Variants in KIAA1217 observed in about 807,000 individuals in gnomAD.
KIAA1217 encodes the protein sickle tail protein homolog.
KIAA1217 carries 88 observed loss-of-function variants against 163.9 expected under a neutral mutation model. The observed-to-expected ratio is 0.54, with a 90% CI of 0.45 to 0.64. The LOEUF (loss-of-function observed/expected upper bound fraction) is 0.64. Ranked by LOEUF, KIAA1217 falls within the 30% of genes least tolerant of loss-of-function variation. The pLI is 0.00. For synonymous variants in KIAA1217, 903 were observed against 923.1 expected (o/e 0.98, Z 0.39); for missense variants, 2,372 against 2,475.0 (o/e 0.96, Z 0.88).
intron 2 of KIAA1217, among the ~76,000 whole-genome samples, chr10:24,368,457 T>G (rs1282944691): frequency 6.6e-6 from 1 of 152,122 alleles, no homozygotes; most frequent in Non-Finnish European, 1.5e-5. Flanking sequence ...TTCCTTTTCT[T>G]TCTTTTTTTT....
At chr10:24,377,415 A>T (rs536066407) in intron 2 of KIAA1217, among the ~76,000 whole-genome samples, 89 of 152,310 alleles carry the variant, frequency 5.8e-4, no homozygotes, top group African/African-American at 2.1e-3. Context: ...CTCTCCACTC[A>T]GCAGCTTAGG....
At chr10:24,313,428 G>C (rs747092458) in intron 2 of KIAA1217, among the ~76,000 whole-genome samples, 1 of 152,206 alleles carries the variant, frequency 6.6e-6, no homozygotes, top group Non-Finnish European at 1.5e-5. Flanking sequence ...GTGTTCAGAA[G>C]AGCCCATTAG....
intron 1 of KIAA1217, among the ~76,000 whole-genome samples, chr10:23,723,523 A>T (rs1564367197): frequency 6.6e-6 from 1 of 152,210 alleles, no homozygotes; most frequent in Non-Finnish European, 1.5e-5. Context: ...TGCATCTTGG[A>T]TCACCACTTT....
intron 1 of KIAA1217, among the ~76,000 whole-genome samples, chr10:23,745,987 ATG>A (rs769546756): frequency 6.6e-6 from 1 of 152,156 alleles, no homozygotes; most frequent in Non-Finnish European, 1.5e-5. Flanking sequence ...ACTACACTGA[ATG>A]TCATTCACCA....
intron 1 of KIAA1217, among the ~76,000 whole-genome samples, chr10:23,816,811 T>A (rs1468782364): frequency 1.3e-5 from 2 of 152,124 alleles, no homozygotes; most frequent in African/African-American, 4.8e-5. Context: ...TGGAGAGGCA[T>A]AGTCAGAAGG....
chr10:24,347,372 A>T (rs1273046974), intron 2 of KIAA1217, among the ~76,000 whole-genome samples: 3 of 152,238 alleles, frequency 2.0e-5, no homozygotes, highest in Non-Finnish European at 4.4e-5. Context: ...TGGGACTGGA[A>T]GGAGCCATTG....
rs1331723442 is a variant in KIAA1217 at position 23,817,397 on chromosome 10, G to C, written c.-321+122163G>C. ...TTTAAAGTCTTCACTTGCATTGTTT[G>C]ACATTGTTATTTGGCAATTCTATCA... On this transcript the variant is annotated intron_variant, in intron 1 of 18. Coordinates refer to the KIAA1217 transcript ENST00000376462. 1.3e-5 allele frequency among the ~76,000 whole-genome samples: 2 copies of C among 152,160 alleles called. 1 individual carries two copies. The highest frequency in any genetic ancestry group is 3.9e-4 in the East Asian group (2 of 5,194).
intron 2 of KIAA1217, among the ~76,000 whole-genome samples, chr10:24,119,024 A>G (rs557870656): frequency 6.6e-6 from 1 of 152,244 alleles, no homozygotes; most frequent in Non-Finnish European, 1.5e-5. Flanking sequence ...CAGTTGTACT[A>G]TAAATATGAG....
At chr10:24,452,297 C>T (rs530894649) in intron 5 of KIAA1217, among the ~76,000 whole-genome samples, 19 of 152,088 alleles carry the variant, frequency 1.2e-4, no homozygotes, top group South Asian at 4.2e-4. Flanking sequence ...CCTGCACCAC[C>T]GGTGCTCCCT....
intron 9 of KIAA1217, among the ~76,000 whole-genome samples, chr10:24,511,048 A>G (rs1268935488): frequency 6.6e-6 from 1 of 151,076 alleles, no homozygotes; most frequent in East Asian, 2.0e-4. Flanking sequence ...GGAGATGGGA[A>G]TAGCAGGTGC....
chr10:23,729,336 A>T (rs907113000), intron 1 of KIAA1217, among the ~76,000 whole-genome samples: 4 of 152,176 alleles, frequency 2.6e-5, no homozygotes, highest in African/African-American at 9.6e-5. Flanking sequence ...GCTGGATCAT[A>T]TAGTTAGAAT....
At chr10:24,162,068 A>G (rs1420909919) in intron 2 of KIAA1217, among the ~76,000 whole-genome samples, 1 of 152,166 alleles carries the variant, frequency 6.6e-6, no homozygotes, top group African/African-American at 2.4e-5. Flanking sequence ...GCACAAATAA[A>G]TCCCACTCCC....
chr10:23,811,579 C>A (rs1318724384), intron 1 of KIAA1217, among the ~76,000 whole-genome samples: 1 of 151,768 alleles, frequency 6.6e-6, no homozygotes, highest in Admixed American at 6.6e-5. Flanking sequence ...GAAAGCTAAT[C>A]CTTACTGCAA....
At chr10:24,444,827 C>A (rs567844814) in intron 5 of KIAA1217, among the ~76,000 whole-genome samples, 3 of 152,114 alleles carry the variant, frequency 2.0e-5, no homozygotes, top group African/African-American at 7.2e-5. Context: ...AAATTTGTGG[C>A]CCACCCACAG....
intron 1 of KIAA1217, among the ~76,000 whole-genome samples, chr10:23,823,946 G>A (rs1282291046): frequency 1.3e-5 from 2 of 151,870 alleles, no homozygotes; most frequent in Non-Finnish European, 1.5e-5. Context: ...AGGAAGGGAA[G>A]GAACTGAAAA....
intron 2 of KIAA1217, among the ~76,000 whole-genome samples, chr10:24,137,483 T>G (rs965466338): frequency 6.6e-6 from 1 of 152,228 alleles, no homozygotes; most frequent in Admixed American, 6.5e-5. Context: ...AGTTCTCACA[T>G]TTGAGCAAAA....
chr10:24,473,107 T>G, intron 5 of KIAA1217, 121 bp from the exon 6 acceptor site: 2 of 647,864 alleles, frequency 3.1e-6, no homozygotes, highest in Non-Finnish European at 5.1e-6. Context: ...GGAAACATAT[T>G]CACAGATTCC....
Position 24,532,666 on chromosome 10 carries a change from T to G in KIAA1217, c.3247-404T>G, listed in dbSNP as rs752865422. ...AGGGGAACTCCCATTTATAAAACGG[T>G]CCGATCTCGTGAGACTTATTCACCA... On this transcript the variant is annotated intron_variant, in intron 15 of 20. Coordinates refer to ENST00000376454, the MANE Select transcript of KIAA1217 (RefSeq NM_019590.5). Among the ~76,000 whole-genome samples the G allele has an allele frequency of 2.6e-5, 4 of 152,048 alleles. No individual in the cohort carries two copies. In the Middle Eastern group the frequency reaches 0.014, roughly 517 times the overall value.
At chr10:24,309,340 ACGCGCG>A (rs67626862) in intron 2 of KIAA1217, among the ~76,000 whole-genome samples, 1 of 139,926 alleles carries the variant, frequency 7.1e-6, no homozygotes, top group African/African-American at 2.6e-5. Context: ...AGGCGCGCGC[ACGCGCG>A]CGCGCACACA....
Sources: allele counts gnomAD v4.1 joint callset (sites outside exome capture counted in the v4.1 genomes callset), GRCh38; gene constraint gnomAD v4.1.1; transcripts MANE v1.5; gene names NCBI Gene and HGNC (gene_info 2026-07-23, HGNC 2026-07-21).